Variants in RPS6KA6 observed in about 807,000 individuals in gnomAD.
RPS6KA6 encodes the protein ribosomal protein S6 kinase A6.
A neutral mutation model predicts 65.4 loss-of-function variants in RPS6KA6; 27 were observed. That is an observed-to-expected ratio of 0.41 (90% CI 0.30 to 0.57). The LOEUF (loss-of-function observed/expected upper bound fraction) is 0.57, where lower values mean the gene tolerates loss of function less well. RPS6KA6 is among the 20% of genes least tolerant of loss of function. The probability of loss-of-function intolerance (pLI) is 0.24; values close to 1 mark genes in which losing one functional copy is unlikely to be tolerated. For synonymous variants in RPS6KA6, 190 were observed against 184.2 expected, an observed-to-expected ratio of 1.03 and a Z score of -0.26; for missense variants, 486 against 555.6, an observed-to-expected ratio of 0.87 and a Z score of 1.26.
Position 84,062,073 on chromosome X carries a change from ACC to A in RPS6KA6, c.*2202_*2203del, listed in dbSNP as rs1457075583. ...AATTATCGGGTACATCCAGTAGCAT[ACC>A]TGTATCTTTTATACACTGTCAGTCC... On this transcript the variant is annotated 3_prime_UTR_variant, in exon 22 of 22. Coordinates refer to ENST00000262752, the MANE Select transcript of RPS6KA6 (RefSeq NM_014496.5). The A allele has an allele frequency of 9.0e-6, 1 of 111,560 alleles. No individual in the cohort carries two copies. The highest frequency in any genetic ancestry group is 1.9e-5 in the Non-Finnish European group (1 of 52,984). The allele number at this position is 111,560 out of a possible 1,213,427, so 9.2% of individuals were successfully genotyped here. A position where few individuals can be genotyped will look rare whatever the true frequency, so the allele number is the denominator to read the frequency against.
chrX:84,142,410 A>C (rs1430509001), intron 6 of RPS6KA6, among the ~76,000 whole-genome samples: 1 of 111,381 alleles, frequency 9.0e-6, no homozygotes, highest in Non-Finnish European at 1.9e-5. Context: ...CATTATTAGA[A>C]AAGAAAGGCC....
rs2035164237 is a variant in RPS6KA6 at position 84,144,521 on chromosome X, C to A, written c.501+957G>T. ...TGTTCAAAAATTTTAAAAGACTGAC[C>A]ATACCAAATGTTGGCAAGGATGTGG... is the stretch of plus-strand genomic sequence containing the variant. On this transcript the variant is annotated intron_variant, in intron 6 of 21. Transcript: ENST00000262752. Among the ~76,000 whole-genome samples, 3 of 110,910 alleles carry A rather than the reference C, an allele frequency of 2.7e-5. No homozygotes were observed. The South Asian group carries it at 1.1e-3, about 42-fold the overall frequency.
At chrX:84,153,751 C>T (rs766210978) in intron 3 of RPS6KA6, among the ~76,000 whole-genome samples, 1 of 111,203 alleles carries the variant, frequency 9.0e-6, no homozygotes, top group African/African-American at 3.3e-5. Flanking sequence ...GTCACACCTA[C>T]ACAATGCCTC....
chrX:84,132,665 TTATAA>T (rs1290445300), intron 8 of RPS6KA6, among the ~76,000 whole-genome samples: 1 of 108,499 alleles, frequency 9.2e-6, no homozygotes, highest in Non-Finnish European at 1.9e-5. Context: ...AACTTAAGTT[TTATAA>T]TATAATAATA....
In RPS6KA6 at chrX:84,135,199, T is replaced by C. The variant is rs1410360246; in HGVS notation, c.513A>G (p.Thr171=). 2.6e-6 allele frequency: 3 copies of C among 1,176,411 alleles called. No homozygotes were observed. The highest frequency in any genetic ancestry group is 3.5e-6 in the Non-Finnish European group (3 of 865,546). The change falls in exon 7 of 22, where the codon ACA becomes ACG. Residue 171 remains threonine, a synonymous_variant. Coordinates refer to ENST00000262752, the MANE Select transcript of RPS6KA6 (RefSeq NM_014496.5). ...FTRLSKEVLF[T]EEDVKFYLAE... is the part of the protein sequence containing the mutation. ...CGAGGTAGAATTTCACATCTTCCTC[T>C]GTAAACAGAACCTAGAACAAAATAA...
rs749422091 is a variant in RPS6KA6, at chrX:84,157,739, A to G, written c.142-1548T>C. Among the ~76,000 whole-genome samples the G allele has an allele frequency of 6.3e-5, 7 of 110,954 alleles. No homozygotes were observed. The East Asian group carries it at 2.0e-3, about 31-fold the overall frequency. Reference sequence around the variant, plus strand: ...ACTTCAGGTCCCTGCTTATGTTTAGATTATCACTATAAGTATTGGCATCAG... The same window carrying G: ...ACTTCAGGTCCCTGCTTATGTTTAGGTTATCACTATAAGTATTGGCATCAG... On this transcript the variant is annotated intron_variant, in intron 2 of 21. Coordinates refer to ENST00000262752, the MANE Select transcript of RPS6KA6 (RefSeq NM_014496.5).
intron 18 of RPS6KA6, among the ~76,000 whole-genome samples, chrX:84,099,805 A>T (rs1203526855): frequency 9.0e-6 from 1 of 111,262 alleles, no homozygotes; most frequent in Non-Finnish European, 1.9e-5. Context: ...ATAAACCCCA[A>T]GAGGTTGATC....
intron 1 of RPS6KA6, among the ~76,000 whole-genome samples, chrX:84,166,091 C>G (rs1321615105): frequency 8.9e-6 from 1 of 112,104 alleles, no homozygotes; most frequent in South Asian, 3.7e-4. Context: ...AATAATTGCT[C>G]GTCTCAGACT....
intron 1 of RPS6KA6, among the ~76,000 whole-genome samples, chrX:84,165,979 G>A (rs1474652466): frequency 1.8e-5 from 2 of 111,980 alleles, no homozygotes; most frequent in African/African-American, 3.2e-5. Context: ...CCCTAATTCT[G>A]TGTATGAACC....
Position 84,063,802 on chromosome X carries a change from C to T in RPS6KA6, c.*475G>A, listed in dbSNP as rs2033341370. Reference sequence around the variant, plus strand: ...AAATGAATGGAGTCCTTTGGTTTTACGGAATAACAAGCTTTTATAATAAGT... The same window carrying T: ...AAATGAATGGAGTCCTTTGGTTTTATGGAATAACAAGCTTTTATAATAAGT... On this transcript the variant is annotated 3_prime_UTR_variant, in exon 22 of 22. Transcript: ENST00000262752. 1 of 111,689 alleles carries T rather than the reference C, an allele frequency of 9.0e-6. No homozygotes were observed. Among genetic ancestry groups the T allele is most frequent in the Admixed American group, 9.5e-5 (1 of 10,504 alleles). 9.2% of individuals were successfully genotyped at this position (111,689 alleles called of 1,213,427 possible).
chrX:84,134,695 G>A (rs2034962298), intron 8 of RPS6KA6, 87 bp downstream of exon 8: 1 of 598,681 alleles, frequency 1.7e-6, no homozygotes, highest in East Asian at 4.0e-5. Flanking sequence ...TTCAGAAAGA[G>A]AAAAAAACAG....
At chrX:84,166,328 A>T (rs2035596011) in intron 1 of RPS6KA6, among the ~76,000 whole-genome samples, 1 of 112,043 alleles carries the variant, frequency 8.9e-6, no homozygotes, top group Non-Finnish European at 1.9e-5. Flanking sequence ...AGCAGCTACT[A>T]TAACTATGCT....
chrX:84,181,303 T>A (rs1249295473), intron 1 of RPS6KA6, among the ~76,000 whole-genome samples: 2 of 111,578 alleles, frequency 1.8e-5, no homozygotes, highest in Non-Finnish European at 3.8e-5. Context: ...AACAAGTTAT[T>A]TAACCTCTTA....
chrX:84,177,019 A>C (rs1483652776), intron 1 of RPS6KA6, among the ~76,000 whole-genome samples: 1 of 111,472 alleles, frequency 9.0e-6, no homozygotes, highest in Non-Finnish European at 1.9e-5. Context: ...AATAAAGAAA[A>C]TATAAGTTCA....
At chrX:84,078,791 G>C (rs1383333729) in intron 20 of RPS6KA6, among the ~76,000 whole-genome samples, 1 of 111,335 alleles carries the variant, frequency 9.0e-6, no homozygotes, top group Non-Finnish European at 1.9e-5. Flanking sequence ...ATTATAAATT[G>C]AAGATATAGG....
chrX:84,079,635 TG>T (rs2033744496), intron 20 of RPS6KA6, among the ~76,000 whole-genome samples: 1 of 110,527 alleles, frequency 9.0e-6, no homozygotes, highest in African/African-American at 3.3e-5. Flanking sequence ...TTGAGCTTGG[TG>T]GGGGGAGGGG....
intron 2 of RPS6KA6, among the ~76,000 whole-genome samples, chrX:84,159,044 G>A (rs1426997823): frequency 1.8e-5 from 2 of 111,132 alleles, no homozygotes; most frequent in Non-Finnish European, 3.8e-5. Context: ...ATACACATAT[G>A]TGCATACATG....
chrX:84,159,673 T>C (rs957406186), intron 2 of RPS6KA6, among the ~76,000 whole-genome samples: 1 of 111,056 alleles, frequency 9.0e-6, no homozygotes, highest in East Asian at 2.8e-4. Context: ...GCTACAAGTA[T>C]GCTATGGGCT....
At chrX:84,174,845 T>C (rs1307925811) in intron 1 of RPS6KA6, among the ~76,000 whole-genome samples, 2 of 111,609 alleles carry the variant, frequency 1.8e-5, no homozygotes, top group African/African-American at 6.5e-5. Flanking sequence ...CCTAGCATAA[T>C]ATCTGGAACA....
Sources: allele counts gnomAD v4.1 joint callset (sites outside exome capture counted in the v4.1 genomes callset), GRCh38; gene constraint gnomAD v4.1.1; transcripts MANE v1.5; gene names NCBI Gene and HGNC (gene_info 2026-07-23, HGNC 2026-07-21).